The following CHST11 variants were observed in gnomAD, a reference collection of about 807,000 sequenced individuals.
The protein encoded by CHST11 is carbohydrate sulfotransferase 11, also known as C4S-1.
In CHST11, 9 loss-of-function variants were observed where a neutral mutation model predicts 30.4. That is an observed-to-expected ratio of 0.30 (90% CI 0.18 to 0.52). CHST11 has a LOEUF of 0.52. Among genes scored for constraint, CHST11 ranks in the 20% least tolerant of loss-of-function variants. The pLI, the probability that CHST11 is intolerant of heterozygous loss-of-function variation, is 0.97. For synonymous variants in CHST11, 152 were observed against 187.8 expected (o/e 0.81, Z 1.56); for missense variants, 348 against 460.6 (o/e 0.76, Z 2.24).
At chr12:104,594,797 A>C (rs1374610423) in intron 1 of CHST11, among the ~76,000 whole-genome samples, 1 of 152,152 alleles carries the variant, frequency 6.6e-6, no homozygotes, top group Non-Finnish European at 1.5e-5. Flanking sequence ...TCTACAAAAA[A>C]ATTGCAAAAA....
At chr12:104,695,435 A>G (rs759444695) in intron 2 of CHST11, among the ~76,000 whole-genome samples, 4 of 135,488 alleles carry the variant, frequency 3.0e-5, no homozygotes, top group Non-Finnish European at 6.4e-5. Context: ...AACACAATTC[A>G]CAACACAATG....
intron 2 of CHST11, among the ~76,000 whole-genome samples, chr12:104,699,204 T>C (rs1286901150): frequency 6.6e-6 from 1 of 152,222 alleles, no homozygotes; most frequent in Admixed American, 6.5e-5. Flanking sequence ...TTCTAACATA[T>C]ACTGAGATTG....
chr12:104,679,521 AG>A (rs1259986685), intron 2 of CHST11, among the ~76,000 whole-genome samples: 3 of 152,094 alleles, frequency 2.0e-5, no homozygotes, highest in African/African-American at 7.2e-5. Context: ...TGGTTTGAGA[AG>A]GAAGAGTTGG....
intron 2 of CHST11, among the ~76,000 whole-genome samples, chr12:104,663,237 A>G (rs1002360804): frequency 2.6e-5 from 4 of 152,210 alleles, no homozygotes; most frequent in African/African-American, 9.7e-5. Flanking sequence ...GTGACGTTCT[A>G]CTGAATCTGT....
chr12:104,589,300 T>G (rs1215242038), intron 1 of CHST11, among the ~76,000 whole-genome samples: 1 of 151,024 alleles, frequency 6.6e-6, no homozygotes, highest in Non-Finnish European at 1.5e-5. Flanking sequence ...ACTCTGAAGG[T>G]TGAGGTGGGA....
At chr12:104,549,169 G>A (rs1244610447) in intron 1 of CHST11, among the ~76,000 whole-genome samples, 2 of 152,202 alleles carry the variant, frequency 1.3e-5, no homozygotes, top group African/African-American at 4.8e-5. Flanking sequence ...GTTTAGTGGG[G>A]CTGTGCAGTC....
chr12:104,717,862 A>C (rs1480885242), intron 2 of CHST11, among the ~76,000 whole-genome samples: 1 of 152,126 alleles, frequency 6.6e-6, no homozygotes, highest in East Asian at 1.9e-4. Flanking sequence ...AGGCAGGAGA[A>C]TCGCTTGAAC....
chr12:104,459,780 C>G (rs2037390019), intron 1 of CHST11, among the ~76,000 whole-genome samples: 1 of 152,198 alleles, frequency 6.6e-6, no homozygotes, highest in Admixed American at 6.5e-5. Flanking sequence ...TTATGTCCCC[C>G]TCTAGTCCTA....
intron 1 of CHST11, among the ~76,000 whole-genome samples, chr12:104,496,889 G>A (rs1209226631): frequency 1.3e-5 from 2 of 152,206 alleles, no homozygotes; most frequent in Non-Finnish European, 2.9e-5. Flanking sequence ...TTCCACTGGA[G>A]GTGGGGAAGA....
At chr12:104,520,561 T>C (rs568022074) in intron 1 of CHST11, among the ~76,000 whole-genome samples, 1 of 152,260 alleles carries the variant, frequency 6.6e-6, no homozygotes, top group Non-Finnish European at 1.5e-5. Context: ...TGTTCCAGCA[T>C]CTGAAATTGC....
At chr12:104,595,330 C>T (rs1412197624) in intron 1 of CHST11, among the ~76,000 whole-genome samples, 1 of 152,152 alleles carries the variant, frequency 6.6e-6, no homozygotes, top group Non-Finnish European at 1.5e-5. Flanking sequence ...AGATTGTTCT[C>T]ACAGCTAGGT....
intron 2 of CHST11, among the ~76,000 whole-genome samples, chr12:104,689,881 G>A (rs553264461): frequency 2.6e-4 from 39 of 151,542 alleles, no homozygotes; most frequent in Admixed American, 5.9e-4. Context: ...TCTCTCCCCC[G>A]TCTCTTCCCT....
chr12:104,463,461 C>T (rs1211976656), intron 1 of CHST11, among the ~76,000 whole-genome samples: 1 of 152,130 alleles, frequency 6.6e-6, no homozygotes, highest in African/African-American at 2.4e-5. Context: ...ACTTGTTCTC[C>T]TCCTCCCCAG....
intron 1 of CHST11, among the ~76,000 whole-genome samples, chr12:104,582,372 TG>T (rs2038754605): frequency 6.6e-6 from 1 of 152,128 alleles, no homozygotes. Flanking sequence ...AAATCAGCGT[TG>T]GGGTAGTCAT....
chr12:104,703,798 G>A lies in CHST11; in HGVS notation c.205-53151G>A, dbSNP rs111285831. On this transcript the variant is annotated intron_variant, in intron 2 of 2. Coordinates refer to ENST00000303694, the MANE Select transcript of CHST11 (RefSeq NM_018413.6). ...CACATGCCTTTGCCTTGCTGTCAACGCTGCCTGTAACACCCTTCCTCCAGG... is the reference window on the plus strand; with the variant it reads ...CACATGCCTTTGCCTTGCTGTCAACACTGCCTGTAACACCCTTCCTCCAGG... Among the ~76,000 whole-genome samples the A allele has an allele frequency of 7.1e-3, 1,075 of 152,348 alleles. 4 individuals are homozygous for A. The highest frequency in any genetic ancestry group is 0.013 in the Non-Finnish European group (876 of 68,036).
In CHST11 at chr12:104,549,797, C is replaced by T. The variant is rs186348978; in HGVS notation, c.119-52109C>T. Among the ~76,000 whole-genome samples, 253 of 152,262 alleles carry T rather than the reference C, an allele frequency of 1.7e-3. 1 individual carries two copies. The highest frequency in any genetic ancestry group is 3.4e-3 in the Middle Eastern group (1 of 294). On this transcript the variant is annotated intron_variant, in intron 1 of 2. Transcript: ENST00000303694. ...TGGTGCGTGCCTGTAGTCCCAGCTA[C>T]TCGGGAGGCTGAGGTGGGAGAATCT...
chr12:104,657,317 A>G (rs2039554247), intron 2 of CHST11, among the ~76,000 whole-genome samples: 1 of 152,230 alleles, frequency 6.6e-6, no homozygotes, highest in Admixed American at 6.5e-5. Flanking sequence ...ATTTTAAGTT[A>G]TTGTCAGCGA....
chr12:104,463,692 A>G (rs1403263538), intron 1 of CHST11, among the ~76,000 whole-genome samples: 1 of 152,200 alleles, frequency 6.6e-6, no homozygotes, highest in East Asian at 1.9e-4. Flanking sequence ...GGGGTGTGAG[A>G]GGCAGGGGTT....
chr12:104,747,154 A>G (rs2040394284), intron 2 of CHST11, among the ~76,000 whole-genome samples: 1 of 152,178 alleles, frequency 6.6e-6, no homozygotes, highest in South Asian at 2.1e-4. Flanking sequence ...AAGCTCTCCT[A>G]TGATCCCAGT....
Sources: gnomAD v4.1 joint callset for allele counts (sites outside exome capture counted in the v4.1 genomes callset) on GRCh38, gnomAD v4.1.1 for gene constraint, MANE v1.5 for transcripts, NCBI Gene and HGNC (gene_info 2026-07-23, HGNC 2026-07-21) for gene names.